The following IREB2 variants were observed in gnomAD, a reference collection of about 807,000 sequenced individuals.
The protein encoded by IREB2 is iron responsive element binding protein 2.
Under a neutral mutation model 118.8 loss-of-function variants are expected in IREB2, and 39 were observed. The observed-to-expected ratio is 0.33, with a 90% CI of 0.25 to 0.43. IREB2 has a LOEUF of 0.43. Among genes scored for constraint, IREB2 ranks in the 20% least tolerant of loss-of-function variants. IREB2 has a pLI of 1.00. For missense variants in IREB2, 900 were observed against 1,147.3 expected, an observed-to-expected ratio of 0.78 and a Z score of 3.11; for synonymous variants, 372 against 392.2, an observed-to-expected ratio of 0.95 and a Z score of 0.61.
At chr15:78,452,835 G>A (rs764862014) in intron 2 of IREB2, among the ~76,000 whole-genome samples, 1 of 152,170 alleles carries the variant, frequency 6.6e-6, no homozygotes, top group Non-Finnish European at 1.5e-5. Context: ...CATGTATGTT[G>A]GCAGGAGGCA....
intron 10 of IREB2, among the ~76,000 whole-genome samples, chr15:78,479,532 C>T (rs2051530513): frequency 6.6e-6 from 1 of 151,730 alleles, no homozygotes; most frequent in South Asian, 2.1e-4. Flanking sequence ...CCACCAAGCC[C>T]AGCCTATGAA....
chr15:78,482,751 GTTTT>G (rs11444966), intron 10 of IREB2, among the ~76,000 whole-genome samples: 14 of 145,570 alleles, frequency 9.6e-5, no homozygotes, highest in Non-Finnish European at 1.8e-4. Flanking sequence ...GGGAAACCAG[GTTTT>G]TTTTTTTTTT....
chr15:78,481,170 G>A (rs1208187551), intron 10 of IREB2, among the ~76,000 whole-genome samples: 3 of 152,154 alleles, frequency 2.0e-5, no homozygotes, highest in Non-Finnish European at 4.4e-5. Flanking sequence ...GATGGCCCGA[G>A]CCCCTGAGTT....
At chr15:78,460,854 TA>T (rs1288230680) in intron 2 of IREB2, among the ~76,000 whole-genome samples, 1 of 151,982 alleles carries the variant, frequency 6.6e-6, no homozygotes, top group East Asian at 1.9e-4. Flanking sequence ...AGCTTCATTT[TA>T]AAAAAAATTA....
At chr15:78,457,229 AT>A (rs964824182) in intron 2 of IREB2, among the ~76,000 whole-genome samples, 1 of 151,108 alleles carries the variant, frequency 6.6e-6, no homozygotes, top group Non-Finnish European at 1.5e-5. Flanking sequence ...TCTATTGGTT[AT>A]TTTTTTTTCT....
chr15:78,451,609 C>T (rs2051025567), intron 2 of IREB2, among the ~76,000 whole-genome samples: 1 of 152,034 alleles, frequency 6.6e-6, no homozygotes, highest in African/African-American at 2.4e-5. Context: ...GTTGAGTATC[C>T]CTAATCTGAA....
chr15:78,497,322 AT>A lies in IREB2; in HGVS notation c.2781+16del. The A allele has an allele frequency of 6.3e-7, 1 of 1,583,184 alleles. No individual in the cohort carries two copies. Among genetic ancestry groups the A allele is most frequent in the Non-Finnish European group, 8.7e-7 (1 of 1,154,148 alleles). ...ACATTGAATATACAGGTATCTCTAA[AT>A]TTTTCAAATATATGATTATGCACTC... is the stretch of plus-strand genomic sequence containing the variant. On this transcript the variant is annotated intron_variant, in intron 21 of 21. Transcript: ENST00000258886.
At chr15:78,490,305 T>TTTGTTG in intron 16 of IREB2, 117 bp from the exon 17 acceptor site, 1 of 588,832 alleles carries the variant, frequency 1.7e-6, no homozygotes, top group South Asian at 2.7e-5. Context: ...AAGGCCTATT[T>TTTGTTG]TTGTTGTTGT....
Position 78,465,392 on chromosome 15 carries a change from C to T in IREB2, c.410+4C>T. The T allele has an allele frequency of 6.2e-7, 1 of 1,605,990 alleles. No individual in the cohort carries two copies. Among genetic ancestry groups the T allele is most frequent in the Non-Finnish European group, 8.5e-7 (1 of 1,176,704 alleles). ...TACAAATTGACTTCAGTAAATGGTA[C>T]TTCAATGCAGATATTTATAGACAGC... On this transcript the variant is annotated splice_donor_region_variant and intron_variant, in intron 4 of 21. Transcript: ENST00000258886.
chr15:78,466,642 A>G (rs1382931129), intron 5 of IREB2, among the ~76,000 whole-genome samples, 153 bp downstream of exon 5: 3 of 152,196 alleles, frequency 2.0e-5, no homozygotes, highest in Non-Finnish European at 4.4e-5. Context: ...TTATACTAAA[A>G]GAAGTAAATT....
At chr15:78,445,324 G>A (rs2050911486) in intron 2 of IREB2, among the ~76,000 whole-genome samples, 1 of 152,094 alleles carries the variant, frequency 6.6e-6, no homozygotes, top group African/African-American at 2.4e-5. Flanking sequence ...TTTTAGTAGA[G>A]ACAGGGTTTC....
intron 16 of IREB2, among the ~76,000 whole-genome samples, chr15:78,489,123 G>A (rs927408221): frequency 6.6e-6 from 1 of 152,054 alleles, no homozygotes; most frequent in African/African-American, 2.4e-5. Context: ...TCAGGAGGCT[G>A]AGGCAGGAGA....
At chr15:78,471,594 A>G (rs2051378238) in intron 6 of IREB2, 147 bp from the exon 7 acceptor site, 1 of 456,916 alleles carries the variant, frequency 2.2e-6, no homozygotes, top group Non-Finnish European at 3.8e-6. Flanking sequence ...CAGTATCTGT[A>G]TATTTGTTTT....
intron 2 of IREB2, among the ~76,000 whole-genome samples, chr15:78,456,512 C>A (rs1305652719): frequency 6.6e-6 from 1 of 151,496 alleles, no homozygotes; most frequent in Non-Finnish European, 1.5e-5. Context: ...AAAAAAATTA[C>A]GAGAATCAGC....
At chr15:78,463,891 T>C (rs1359808850) in intron 3 of IREB2, among the ~76,000 whole-genome samples, 1 of 152,182 alleles carries the variant, frequency 6.6e-6, no homozygotes, top group African/African-American at 2.4e-5. Flanking sequence ...CCTATTTCTT[T>C]CTAAGTCTTT....
intron 8 of IREB2, chr15:78,473,970 A>G (rs2051422769): frequency 6.6e-6 from 1 of 152,220 alleles, no homozygotes; most frequent in Admixed American, 6.5e-5. Context: ...AATGTGATAT[A>G]TCATTTTTCT....
At position 78,476,650 on chromosome 15, in the gene IREB2, T is replaced by C. The variant is rs899988287; in HGVS notation, c.1195+291T>C. On this transcript the variant is annotated intron_variant, in intron 9 of 21. Transcript: ENST00000258886. ...TCCACCTCTACTTAGGGGTCATAGG[T>C]TGCAATTTAATGGAAGTCAGCCTTA... 1.5e-5 allele frequency: 3 copies of C among 195,872 alleles called. No individual in the cohort carries two copies. The East Asian group carries it at 3.5e-4, about 23-fold the overall frequency. 12.1% of individuals were successfully genotyped at this position (195,872 alleles called of 1,614,324 possible).
intron 18 of IREB2, among the ~76,000 whole-genome samples, chr15:78,493,320 A>G (rs1173503439): frequency 2.0e-5 from 3 of 152,226 alleles, no homozygotes; most frequent in African/African-American, 4.8e-5. Context: ...CTGAATTCCT[A>G]CAGTCAGCCT....
At chr15:78,465,976 G>GA (rs1035731084) in intron 4 of IREB2, among the ~76,000 whole-genome samples, 2 of 152,150 alleles carry the variant, frequency 1.3e-5, no homozygotes, top group African/African-American at 2.4e-5. Flanking sequence ...TTGTTAGGGG[G>GA]AAAAAATCTA....
Sources: gnomAD v4.1 joint callset for allele counts (sites outside exome capture counted in the v4.1 genomes callset) on GRCh38, gnomAD v4.1.1 for gene constraint, MANE v1.5 for transcripts, NCBI Gene and HGNC (gene_info 2026-07-23, HGNC 2026-07-21) for gene names.